GAP43: variants seen among roughly 807,000 people sequenced by gnomAD.
GAP43 encodes the protein growth associated protein 43.
Under a neutral mutation model 18.6 loss-of-function variants are expected in GAP43, and 6 were observed. The observed-to-expected ratio is 0.32, with a 90% CI of 0.18 to 0.64. The LOEUF (loss-of-function observed/expected upper bound fraction) is 0.64. Among genes scored for constraint, GAP43 ranks in the 30% least tolerant of loss-of-function variants. The pLI is 0.78. For missense variants in GAP43, 292 were observed against 295.5 expected (o/e 0.99, Z 0.09); for synonymous variants, 115 against 111.4 (o/e 1.03, Z -0.20).
At chr3:115,633,271 T>G (rs1410547907) in intron 1 of GAP43, among the ~76,000 whole-genome samples, 3 of 151,744 alleles carry the variant, frequency 2.0e-5, no homozygotes, top group Non-Finnish European at 4.4e-5. Flanking sequence ...AGAATGAGGA[T>G]GAATGAATTT....
intron 2 of GAP43, among the ~76,000 whole-genome samples, chr3:115,687,695 G>T (rs1027096447): frequency 2.6e-5 from 4 of 152,058 alleles, no homozygotes; most frequent in Non-Finnish European, 5.9e-5. Flanking sequence ...GTCCTATCTC[G>T]CAATCCCCTA....
chr3:115,708,388 G>A (rs191618429), intron 2 of GAP43, among the ~76,000 whole-genome samples: 1 of 152,296 alleles, frequency 6.6e-6, no homozygotes, highest in East Asian at 1.9e-4. Flanking sequence ...GATATCATTG[G>A]CTGGTCTGCC....
chr3:115,631,400 T>C (rs55838665), intron 1 of GAP43, among the ~76,000 whole-genome samples: 1 of 152,140 alleles, frequency 6.6e-6, no homozygotes, highest in Non-Finnish European at 1.5e-5. Flanking sequence ...TTACCTTTTC[T>C]TCTTAAAATT....
rs148624794 is a variant in GAP43 at position 115,719,441 on chromosome 3, G to C, written c.629-1353G>C. Among the ~76,000 whole-genome samples the C allele has an allele frequency of 4.0e-3, 615 of 152,256 alleles. 6 individuals carry two copies. Among genetic ancestry groups the C allele is most frequent in the African/African-American group, 0.014 (591 of 41,552 alleles). ...CTAAAATCATAGTACAAACAATGTG[G>C]TTTATGCTGAACATCTATTTTTCTT... On this transcript the variant is annotated intron_variant, in intron 2 of 2. Transcript: ENST00000305124.
chr3:115,720,985 C>A lies in GAP43; in HGVS notation c.*103C>A. ...CTCTGAAGTCCCTTCCTGTCCTGCT[C>A]ACGTCTGTGAGTCTGTCCTTTCCCA... On this transcript the variant is annotated 3_prime_UTR_variant, in exon 3 of 3. Coordinates refer to ENST00000305124, the MANE Select transcript of GAP43 (RefSeq NM_002045.4). 1.6e-6 allele frequency: 1 copy of A among 626,290 alleles called. No homozygotes were observed. Among genetic ancestry groups the A allele is most frequent in the Non-Finnish European group, 2.8e-6 (1 of 359,444 alleles). The allele number at this position is 626,290 out of a possible 1,614,324, so 38.8% of individuals were successfully genotyped here.
At chr3:115,700,616 A>G (rs950604172) in intron 2 of GAP43, among the ~76,000 whole-genome samples, 3 of 151,982 alleles carry the variant, frequency 2.0e-5, no homozygotes, top group Non-Finnish European at 2.9e-5. Flanking sequence ...ATTTCTCTCT[A>G]TATTATTATG....
chr3:115,694,343 T>G (rs752025334), intron 2 of GAP43, among the ~76,000 whole-genome samples: 4 of 152,236 alleles, frequency 2.6e-5, no homozygotes, highest in Non-Finnish European at 4.4e-5. Flanking sequence ...TGACTCTATA[T>G]TTCTAATATT....
At chr3:115,698,123 T>TAA (rs1559804237) in intron 2 of GAP43, among the ~76,000 whole-genome samples, 50 of 10,028 alleles carry the variant, frequency 5.0e-3, no homozygotes, top group Admixed American at 0.012. Context: ...ATAATATATA[T>TAA]TATATATAAT....
chr3:115,697,207 A>AATAAC (rs146854538), intron 2 of GAP43, among the ~76,000 whole-genome samples: 16 of 151,788 alleles, frequency 1.1e-4, no homozygotes, highest in Non-Finnish European at 2.4e-4. Context: ...TATTTATAAT[A>AATAAC]ATAAACTTCA....
intron 1 of GAP43, among the ~76,000 whole-genome samples, chr3:115,652,915 C>A (rs980868185): frequency 2.0e-5 from 3 of 152,124 alleles, no homozygotes; most frequent in Non-Finnish European, 4.4e-5. Context: ...GGATTCCGTA[C>A]AATTTTATAT....
In GAP43 at chr3:115,715,866, C is replaced by T. The variant is rs1709496061; in HGVS notation, c.629-4928C>T. Among the ~76,000 whole-genome samples, 4 of 152,092 alleles carry T rather than the reference C, an allele frequency of 2.6e-5. 1 individual carries two copies. The highest frequency in any genetic ancestry group is 2.6e-4 in the Admixed American group (4 of 15,252). On this transcript the variant is annotated intron_variant, in intron 2 of 2. Coordinates refer to ENST00000305124, the MANE Select transcript of GAP43 (RefSeq NM_002045.4). ...CCATTCTTTTTGGGCAAAGGTAAAA[C>T]CAGGGAAAGCAACTAAAGTAAAATC...
At chr3:115,663,188 C>T (rs564485827) in intron 1 of GAP43, among the ~76,000 whole-genome samples, 1 of 152,224 alleles carries the variant, frequency 6.6e-6, no homozygotes, top group African/African-American at 2.4e-5. Context: ...GTACGGCATG[C>T]GTGAAACAGT....
intron 2 of GAP43, among the ~76,000 whole-genome samples, chr3:115,713,509 C>G (rs1440069909): frequency 6.6e-6 from 1 of 152,232 alleles, no homozygotes; most frequent in East Asian, 1.9e-4. Flanking sequence ...CGCCATCCCT[C>G]CAGCAGCATT....
chr3:115,624,286 CTG>C (rs1576972818), intron 1 of GAP43, among the ~76,000 whole-genome samples: 1 of 128,124 alleles, frequency 7.8e-6, no homozygotes, highest in East Asian at 2.5e-4. Context: ...ATGAATGAAA[CTG>C]TGATTTGATA....
chr3:115,649,843 AG>A (rs1167493994), intron 1 of GAP43, among the ~76,000 whole-genome samples: 11 of 136,336 alleles, frequency 8.1e-5, no homozygotes, highest in Admixed American at 3.0e-4. Context: ...AGAAAGAAAA[AG>A]AAAAGAAAAG....
chr3:115,698,483 A>G (rs926581048), intron 2 of GAP43, among the ~76,000 whole-genome samples: 1 of 150,004 alleles, frequency 6.7e-6, no homozygotes, highest in Non-Finnish European at 1.5e-5. Context: ...GGTAAGAATA[A>G]ATGCAGAACA....
intron 1 of GAP43, among the ~76,000 whole-genome samples, chr3:115,634,354 C>T (rs2107466807): frequency 6.6e-6 from 1 of 152,222 alleles, no homozygotes; most frequent in Non-Finnish European, 1.5e-5. Context: ...GGAATATAAG[C>T]TGAGAATTAA....
chr3:115,706,538 T>C (rs1342935356), intron 2 of GAP43, among the ~76,000 whole-genome samples: 1 of 152,238 alleles, frequency 6.6e-6, no homozygotes, highest in Non-Finnish European at 1.5e-5. Flanking sequence ...TAGAGAAGGC[T>C]GTTCTGCTTT....
At chr3:115,661,895 T>G (rs1576986178) in intron 1 of GAP43, among the ~76,000 whole-genome samples, 1 of 134,312 alleles carries the variant, frequency 7.4e-6, no homozygotes. Context: ...ACAAGAGAAG[T>G]GGGAAGATAG....
Sources: allele counts gnomAD v4.1 joint callset (sites outside exome capture counted in the v4.1 genomes callset), GRCh38; gene constraint gnomAD v4.1.1; transcripts MANE v1.5; gene names NCBI Gene and HGNC (gene_info 2026-07-23, HGNC 2026-07-21).